KCNB2: variants seen among roughly 807,000 people sequenced by gnomAD.
The protein encoded by KCNB2 is delayed rectifier potassium channel protein.
Under a neutral mutation model 61.5 loss-of-function variants are expected in KCNB2, and 15 were observed. The ratio of observed to expected loss-of-function variants is 0.24; its 90% CI spans 0.16 to 0.38. The LOEUF is 0.38. Ranked by LOEUF, KCNB2 falls within the 10% of genes least tolerant of loss-of-function variation. KCNB2 has a pLI of 1.00. For synonymous variants in KCNB2, 457 were observed against 446.0 expected, an observed-to-expected ratio of 1.02 and a Z score of -0.31; for missense variants, 828 against 1,125.2, an observed-to-expected ratio of 0.74 and a Z score of 3.78.
At chr8:72,935,872 T>C (rs1806893577) in intron 2 of KCNB2, 63 bp from the exon 3 acceptor site, 10 of 1,126,194 alleles carry the variant, frequency 8.9e-6, no homozygotes, top group Non-Finnish European at 1.3e-5. Flanking sequence ...CACCGACCCA[T>C]CTGTCTCCTA....
intron 2 of KCNB2, among the ~76,000 whole-genome samples, chr8:72,666,368 C>G (rs2128987764): frequency 6.6e-6 from 1 of 152,212 alleles, no homozygotes; most frequent in South Asian, 2.1e-4. Context: ...TTTTATATAT[C>G]TCCCACCTTG....
chr8:72,796,090 T>C (rs566020029), intron 2 of KCNB2, among the ~76,000 whole-genome samples: 1 of 152,318 alleles, frequency 6.6e-6, no homozygotes, highest in South Asian at 2.1e-4. Context: ...GTTACCCTTT[T>C]AAGGCTCCAT....
chr8:72,568,870 G>A (rs1464035339), intron 2 of KCNB2, among the ~76,000 whole-genome samples: 6 of 151,776 alleles, frequency 4.0e-5, no homozygotes, highest in African/African-American at 7.3e-5. Context: ...ATGCATCCAC[G>A]TACCTCCCCT....
intron 2 of KCNB2, among the ~76,000 whole-genome samples, chr8:72,778,834 G>A (rs955097753): frequency 1.3e-5 from 2 of 149,464 alleles, no homozygotes; most frequent in South Asian, 2.1e-4. Flanking sequence ...AATAAAGTTC[G>A]AGATATCAGA....
intron 2 of KCNB2, among the ~76,000 whole-genome samples, chr8:72,756,765 T>C (rs1808297200): frequency 1.3e-5 from 2 of 152,056 alleles, no homozygotes; most frequent in South Asian, 4.2e-4. Flanking sequence ...GATGAAGAGG[T>C]GGGACAGCTT....
chr8:72,720,131 C>A lies in KCNB2; in HGVS notation c.579+151818C>A, dbSNP rs572910311. ...TTTAAGTATATATTTATGCTGTCTT[C>A]TTCAGAGATGAGCTGTTAGCCACTG... On this transcript the variant is annotated intron_variant, in intron 2 of 2. Transcript: ENST00000523207. Among the ~76,000 whole-genome samples, 6 of 152,296 alleles carry A rather than the reference C, an allele frequency of 3.9e-5. No individual in the cohort carries two copies. In the East Asian group the frequency reaches 1.2e-3, roughly 29 times the overall value.
intron 2 of KCNB2, among the ~76,000 whole-genome samples, chr8:72,802,167 G>A (rs563306662): frequency 3.9e-5 from 6 of 152,222 alleles, no homozygotes; most frequent in Middle Eastern, 3.4e-3. Flanking sequence ...CAGCTGTTAC[G>A]TTCTACCACA....
chr8:72,864,711 T>C (rs1805484848), intron 2 of KCNB2, among the ~76,000 whole-genome samples: 1 of 152,210 alleles, frequency 6.6e-6, no homozygotes, highest in African/African-American at 2.4e-5. Context: ...AATAGGATTC[T>C]ACAGACAGCA....
chr8:72,828,508 G>A (rs907152786), intron 2 of KCNB2, among the ~76,000 whole-genome samples: 4 of 152,120 alleles, frequency 2.6e-5, no homozygotes, highest in African/African-American at 9.7e-5. Context: ...GTCTGAGAAA[G>A]GACAGATTTG....
At chr8:72,888,262 C>A (rs1805838641) in intron 2 of KCNB2, among the ~76,000 whole-genome samples, 1 of 152,192 alleles carries the variant, frequency 6.6e-6, no homozygotes, top group African/African-American at 2.4e-5. Flanking sequence ...CCACCACACC[C>A]TGGGTTAATT....
intron 1 of KCNB2, among the ~76,000 whole-genome samples, chr8:72,547,034 T>C (rs940174419): frequency 2.6e-5 from 4 of 152,246 alleles, no homozygotes; most frequent in Admixed American, 2.6e-4. Context: ...GCTTACTTTC[T>C]ATTCTGAGAA....
At chr8:72,894,133 C>T (rs1042224918) in intron 2 of KCNB2, among the ~76,000 whole-genome samples, 1 of 152,156 alleles carries the variant, frequency 6.6e-6, no homozygotes, top group Non-Finnish European at 1.5e-5. Context: ...CTCACTTGAG[C>T]ATGTAACCTG....
At chr8:72,862,417 A>G (rs543511328) in intron 2 of KCNB2, among the ~76,000 whole-genome samples, 1 of 152,332 alleles carries the variant, frequency 6.6e-6, no homozygotes, top group Non-Finnish European at 1.5e-5. Flanking sequence ...CTAACTGTAT[A>G]GTCCATTCCT....
At chr8:72,935,570 C>G (rs1475736444) in intron 2 of KCNB2, among the ~76,000 whole-genome samples, 1 of 152,082 alleles carries the variant, frequency 6.6e-6, no homozygotes, top group African/African-American at 2.4e-5. Flanking sequence ...TAAGACAATT[C>G]CTTTAACAAA....
chr8:72,685,637 A>G (rs967484187), intron 2 of KCNB2, among the ~76,000 whole-genome samples: 2 of 152,164 alleles, frequency 1.3e-5, no homozygotes, highest in South Asian at 2.1e-4. Context: ...TAAGACCTGA[A>G]GATGAGTGGC....
At chr8:72,817,499 G>A (rs376622897) in intron 2 of KCNB2, among the ~76,000 whole-genome samples, 6 of 152,150 alleles carry the variant, frequency 3.9e-5, no homozygotes, top group African/African-American at 1.4e-4. Flanking sequence ...TCGGATTTTG[G>A]TGTGAAGAGT....
At chr8:72,794,739 T>A (rs2128998977) in intron 2 of KCNB2, among the ~76,000 whole-genome samples, 1 of 152,284 alleles carries the variant, frequency 6.6e-6, no homozygotes, top group East Asian at 1.9e-4. Flanking sequence ...ATTGAATAGA[T>A]AATTATGGAG....
intron 2 of KCNB2, among the ~76,000 whole-genome samples, chr8:72,691,966 G>A (rs919558822): frequency 6.6e-6 from 1 of 152,084 alleles, no homozygotes; most frequent in Admixed American, 6.5e-5. Flanking sequence ...GCCGGGTGCG[G>A]TGGCTCACAC....
chr8:72,762,028 C>T (rs1255300830), intron 2 of KCNB2, among the ~76,000 whole-genome samples: 1 of 152,148 alleles, frequency 6.6e-6, no homozygotes, highest in Non-Finnish European at 1.5e-5. Context: ...ACTGGCATTA[C>T]TTTTGGGGTT....
Sources: gnomAD v4.1 joint callset for allele counts (sites outside exome capture counted in the v4.1 genomes callset) on GRCh38, gnomAD v4.1.1 for gene constraint, MANE v1.5 for transcripts, NCBI Gene and HGNC (gene_info 2026-07-23, HGNC 2026-07-21) for gene names.